The following FBXW2 variants were observed in gnomAD, a reference collection of about 807,000 sequenced individuals.
FBXW2 encodes F-box and WD repeat domain containing 2, also known as F-box/WD repeat-containing protein 2.
In FBXW2, 12 loss-of-function variants were observed where a neutral mutation model predicts 46.0. The observed-to-expected ratio is 0.26, with a 90% confidence interval of 0.17 to 0.42. The LOEUF (loss-of-function observed/expected upper bound fraction) is 0.42, where lower values mean the gene tolerates loss of function less well. Ranked by LOEUF, FBXW2 falls within the 10% of genes least tolerant of loss-of-function variation. FBXW2 has a pLI of 1.00. For synonymous variants in FBXW2, 203 were observed against 209.6 expected, an observed-to-expected ratio of 0.97 and a Z score of 0.27; for missense variants, 360 against 537.0, an observed-to-expected ratio of 0.67 and a Z score of 3.26.
At chr9:120,782,936 CTG>C (rs1190972298) in intron 3 of FBXW2, among the ~76,000 whole-genome samples, 1 of 152,108 alleles carries the variant, frequency 6.6e-6, no homozygotes, top group African/African-American at 2.4e-5. Context: ...ACAGTTAACA[CTG>C]TATAGTGTTT....
rs565973088 is a variant in FBXW2 at position 120,760,807 on chromosome 9, T to G, written c.*3752A>C. On this transcript the variant is annotated 3_prime_UTR_variant, in exon 8 of 8. Coordinates refer to ENST00000608872, the MANE Select transcript of FBXW2 (RefSeq NM_012164.4). ...GATTCTGTTAGATCAAAATGCCTAA[T>G]ACAAACAATTTCCTCATGTCTAAAA... 2 of 152,196 alleles carry G rather than the reference T, an allele frequency of 1.3e-5. No homozygotes were observed. The highest frequency in any genetic ancestry group is 4.8e-5 in the African/African-American group (2 of 41,452). 9.4% of individuals were successfully genotyped at this position (152,196 alleles called of 1,614,324 possible). A position where few individuals can be genotyped will look rare whatever the true frequency, so the allele number is the denominator to read the frequency against.
At chr9:120,782,860 C>T (rs1267211066) in intron 3 of FBXW2, among the ~76,000 whole-genome samples, 1 of 151,830 alleles carries the variant, frequency 6.6e-6, no homozygotes, top group African/African-American at 2.4e-5. Flanking sequence ...CAAAAGAAAA[C>T]CCCCCCAAAA....
chr9:120,787,623 G>T, intron 3 of FBXW2, 146 bp downstream of exon 3: 1 of 732,792 alleles, frequency 1.4e-6, no homozygotes. Context: ...GATAAGGGGG[G>T]GGAACCACTC....
chr9:120,792,822 CCATT>C, intron 2 of FBXW2: 4 of 1,299,358 alleles, frequency 3.1e-6, no homozygotes, highest in Non-Finnish European at 4.1e-6. Flanking sequence ...ATGTCAGTTA[CCATT>C]ATTACTTAGC....
chr9:120,776,156 T>A lies in FBXW2; in HGVS notation c.756A>T (p.Val252=). Residue 252 remains valine, a synonymous_variant, in exon 5 of 8, where the codon GTA becomes GTT. Transcript: ENST00000608872. ...GGCATGTCCCAGCAGATAAAGCCCA[T>A]ACTTTCACAGTGAAGTCTGCAGAGC... is the stretch of plus-strand genomic sequence containing the variant. ...VSGSADFTVK[V]WALSAGTCLN... The A allele has an allele frequency of 1.2e-6, 2 of 1,614,190 alleles. No homozygotes were observed. The highest frequency in any genetic ancestry group is 1.1e-5 in the South Asian group (1 of 91,078).
At chr9:120,765,126 A>G (rs1181127997) in intron 7 of FBXW2, among the ~76,000 whole-genome samples, 1 of 147,500 alleles carries the variant, frequency 6.8e-6, no homozygotes, top group Non-Finnish European at 1.5e-5. Flanking sequence ...ACAGGGTCTC[A>G]CTGTGTTGCC....
intron 2 of FBXW2, chr9:120,792,575 G>A (rs1457248432): frequency 5.4e-6 from 1 of 185,654 alleles, no homozygotes; most frequent in African/African-American, 2.4e-5. Context: ...TTAGTTTTAA[G>A]GTGAATTTTT....
In FBXW2 at chr9:120,776,109, G is replaced by A. The variant is rs937084782; in HGVS notation, c.803C>T (p.Thr268Met). 4.3e-6 allele frequency: 7 copies of A among 1,613,624 alleles called. No homozygotes were observed. In the East Asian group the frequency reaches 1.1e-4, roughly 26 times the overall value. ...TCTTCCTACCTTGGTGACCCATTCC[G>A]TGTGCCCGGTGAGTGTGTTCAGGCA... ...GTCLNTLTGHTEWVTKVVLQK... is the reference protein window; with the variant it reads ...GTCLNTLTGHMEWVTKVVLQK... Residue 268 changes from threonine to methionine, a missense_variant, in exon 5 of 8, where the codon ACG becomes ATG. Thr to Met is a moderately conservative substitution (Grantham distance 81). Coordinates refer to ENST00000608872, the MANE Select transcript of FBXW2 (RefSeq NM_012164.4).
chr9:120,763,116 T>C lies in FBXW2; in HGVS notation c.*1443A>G, dbSNP rs1459647318. ...CGTTTTAAAAATCCAGGATTTCAAA[T>C]AAAAATCTGGATTTCTAGCTCCTCC... On this transcript the variant is annotated 3_prime_UTR_variant, in exon 8 of 8. Transcript: ENST00000608872. 6.6e-6 allele frequency: 1 copy of C among 152,208 alleles called. No homozygotes were observed. The highest frequency in any genetic ancestry group is 1.5e-5 in the Non-Finnish European group (1 of 68,026). 9.4% of individuals were successfully genotyped at this position (152,208 alleles called of 1,614,324 possible).
intron 5 of FBXW2, among the ~76,000 whole-genome samples, chr9:120,775,372 T>C (rs1302785421): frequency 1.3e-5 from 2 of 152,182 alleles, no homozygotes; most frequent in Non-Finnish European, 2.9e-5. Context: ...CACTGTACTG[T>C]TCCTTCACAA....
intron 7 of FBXW2, among the ~76,000 whole-genome samples, chr9:120,765,749 T>A (rs1012447925): frequency 6.6e-6 from 1 of 152,064 alleles, no homozygotes; most frequent in African/African-American, 2.4e-5. Context: ...GTTTCCCAAA[T>A]AACTTAGAAA....
intron 3 of FBXW2, among the ~76,000 whole-genome samples, chr9:120,783,329 C>T (rs893404048): frequency 2.0e-5 from 3 of 152,042 alleles, no homozygotes; most frequent in African/African-American, 7.3e-5. Flanking sequence ...CACTGGCTAA[C>T]CCAACATGTT....
rs1588021351 is a variant in FBXW2, at chr9:120,764,234, G to T, written c.*325C>A. 1 of 406,826 alleles carries T rather than the reference G, an allele frequency of 2.5e-6. No homozygotes were observed. Among genetic ancestry groups the T allele is most frequent in the East Asian group, 3.5e-5 (1 of 28,774 alleles). The allele number at this position is 406,826 out of a possible 1,614,324, so 25.2% of individuals were successfully genotyped here. A position where few individuals can be genotyped will look rare whatever the true frequency, so the allele number is the denominator to read the frequency against. ...ATAGGCAACCAATTAGCAGATTAAT[G>T]GATCATTTAACTTTCTTTACTTAAA... is the stretch of plus-strand genomic sequence containing the variant. On this transcript the variant is annotated 3_prime_UTR_variant, in exon 8 of 8. Transcript: ENST00000608872.
chr9:120,782,774 A>G (rs1347924988), intron 3 of FBXW2, among the ~76,000 whole-genome samples: 2 of 152,162 alleles, frequency 1.3e-5, no homozygotes, highest in African/African-American at 4.8e-5. Flanking sequence ...TCCAGGAGGT[A>G]GAAGTTACAG....
rs1588020748 is a variant in FBXW2 at position 120,763,324 on chromosome 9, A to G, written c.*1235T>C. On this transcript the variant is annotated 3_prime_UTR_variant, in exon 8 of 8. Transcript: ENST00000608872. Reference sequence around the variant, plus strand: ...TTGGGTTTGTGAGCCCTCATCTAGGACAATTCCCTCACTTAAAAGATGAAG... The same window carrying G: ...TTGGGTTTGTGAGCCCTCATCTAGGGCAATTCCCTCACTTAAAAGATGAAG... 6.6e-6 allele frequency: 1 copy of G among 152,328 alleles called. No individual in the cohort carries two copies. The highest frequency in any genetic ancestry group is 1.5e-5 in the Non-Finnish European group (1 of 68,020). The allele number at this position is 152,328 out of a possible 1,614,324, so 9.4% of individuals were successfully genotyped here. A position where few individuals can be genotyped will look rare whatever the true frequency, so the allele number is the denominator to read the frequency against.
chr9:120,781,657 CACACACACACACACACACAT>C (rs1375058899), intron 3 of FBXW2, among the ~76,000 whole-genome samples: 22 of 151,734 alleles, frequency 1.4e-4, no homozygotes, highest in African/African-American at 5.1e-4. Context: ...CACACACACA[CACACACACACACACACACAT>C]ACACACACAC....
At chr9:120,772,060 GAA>G (rs59520792) in intron 6 of FBXW2, among the ~76,000 whole-genome samples, 5 of 51,308 alleles carry the variant, frequency 9.7e-5, no homozygotes, top group African/African-American at 2.8e-4. Context: ...CCCTGTCTCA[GAA>G]AAAAAAAAAA....
intron 7 of FBXW2, among the ~76,000 whole-genome samples, chr9:120,765,155 C>T (rs982325691): frequency 4.0e-5 from 6 of 148,938 alleles, no homozygotes; most frequent in Non-Finnish European, 8.9e-5. Flanking sequence ...AGTACAGGGG[C>T]GTGATCTCGG....
intron 3 of FBXW2, among the ~76,000 whole-genome samples, chr9:120,782,621 T>C (rs1054232624): frequency 6.6e-6 from 1 of 151,460 alleles, no homozygotes; most frequent in African/African-American, 2.4e-5. Context: ...GCAAGAAGAG[T>C]GCTTAAGCCC....
Sources: allele counts gnomAD v4.1 joint callset (sites outside exome capture counted in the v4.1 genomes callset), GRCh38; gene constraint gnomAD v4.1.1; transcripts MANE v1.5; gene names NCBI Gene and HGNC (gene_info 2026-07-23, HGNC 2026-07-21).